Variants in COQ6 observed in about 807,000 individuals in gnomAD.
COQ6 encodes the protein ubiquinone biosynthesis monooxygenase COQ6, mitochondrial.
A neutral mutation model predicts 55.5 loss-of-function variants in COQ6; 45 were observed. The observed-to-expected ratio is 0.81, with a 90% CI of 0.64 to 1.04. The LOEUF is 1.04. Among genes scored for constraint, COQ6 ranks in the 50% least tolerant of loss-of-function variants. The pLI is 0.00. For missense variants in COQ6, 550 were observed against 601.3 expected (o/e 0.91, Z 0.89); for synonymous variants, 206 against 230.5 (o/e 0.89, Z 0.96).
At chr14:73,950,588 A>G (rs1184876152) in intron 1 of COQ6, 93 bp downstream of exon 1, 14 of 1,488,716 alleles carry the variant, frequency 9.4e-6, no homozygotes, top group Non-Finnish European at 1.3e-5. Context: ...GCCCAAAGAC[A>G]ATTTCTCAGG....
chr14:73,952,091 ACTGT>A (rs1408055369), intron 1 of COQ6, among the ~76,000 whole-genome samples: 4 of 142,340 alleles, frequency 2.8e-5, no homozygotes, highest in African/African-American at 5.2e-5. Context: ...TGGACCGCTC[ACTGT>A]CTGTATGGCT....
chr14:73,959,967 T>C, intron 8 of COQ6: 1 of 1,068,334 alleles, frequency 9.4e-7, no homozygotes, highest in Non-Finnish European at 1.1e-6. Flanking sequence ...TGGAGGAGTG[T>C]ACACACGGAA....
chr14:73,961,397 G>A, intron 9 of COQ6, 22 bp downstream of exon 9: 1 of 1,614,200 alleles, frequency 6.2e-7, no homozygotes, highest in Middle Eastern at 1.6e-4. Context: ...ACAGAGCAGG[G>A]CCACTCCCTT....
rs776088045 is a variant in COQ6 at position 73,955,912 on chromosome 14, G to A, written c.465G>A (p.Gln155=). ...NDVIMHALTK[Q]LEAVSDRVTV... ...TCATCATGCATGCTCTCACTAAGCA[G>A]TTGGAGGCTGTGTCTGGTGAGGCCC... The change falls in exon 4 of 12, where the codon CAG becomes CAA. Residue 155 remains glutamine (Q), a synonymous_variant. Transcript: ENST00000334571. 20 of 1,614,032 alleles carry A rather than the reference G, an allele frequency of 1.2e-5. No homozygotes were observed. Among genetic ancestry groups the A allele is most frequent in the Non-Finnish European group, 1.5e-5 (18 of 1,180,048 alleles).
chr14:73,957,051 C>G (rs540199124), intron 4 of COQ6, among the ~76,000 whole-genome samples: 1 of 151,860 alleles, frequency 6.6e-6, no homozygotes, highest in South Asian at 2.1e-4. Flanking sequence ...TCCACTTGAA[C>G]CTTTCTTTGT....
chr14:73,952,613 T>TCCTC (rs969707675), intron 1 of COQ6, among the ~76,000 whole-genome samples: 2 of 151,878 alleles, frequency 1.3e-5, no homozygotes, highest in Admixed American at 1.3e-4. Flanking sequence ...GCTTGAGCAA[T>TCCTC]CCTCCCACCT....
chr14:73,963,245 C>CTTT lies in COQ6; in HGVS notation c.*249_*251dup. 1.8e-6 allele frequency: 1 copy of CTTT among 566,740 alleles called. No homozygotes were observed. The highest frequency in any genetic ancestry group is 2.6e-5 in the South Asian group (1 of 38,998). 35.1% of individuals were successfully genotyped at this position (566,740 alleles called of 1,614,324 possible). A position where few individuals can be genotyped will look rare whatever the true frequency, so the allele number is the denominator to read the frequency against. Reference sequence around the variant, plus strand: ...AGACTTACAATTTGGTTGAAAAGAGCTTTTTATTACTAAAAAACCCACAAG... The same window carrying CTTT: ...AGACTTACAATTTGGTTGAAAAGAGCTTTTTTTTATTACTAAAAAACCCACAAG... On this transcript the variant is annotated 3_prime_UTR_variant, in exon 12 of 12. Transcript: ENST00000334571.
intron 2 of COQ6, 92 bp downstream of exon 2, chr14:73,953,661 CAAG>C (rs2056287243): frequency 1.3e-6 from 2 of 1,540,228 alleles, no homozygotes; most frequent in Admixed American, 1.7e-5. Context: ...GAGCATCTGA[CAAG>C]GAGGGAGCTC....
At chr14:73,957,848 C>G (rs2056515588) in intron 4 of COQ6, among the ~76,000 whole-genome samples, 1 of 152,144 alleles carries the variant, frequency 6.6e-6, no homozygotes, top group African/African-American at 2.4e-5. Flanking sequence ...ACTGTAAAAG[C>G]AAACACGGGC....
At chr14:73,960,384 A>G in intron 8 of COQ6, 2 of 987,686 alleles carry the variant, frequency 2.0e-6, no homozygotes, top group Non-Finnish European at 2.4e-6. Flanking sequence ...CCTTTGGATA[A>G]TATGGGTACC....
chr14:73,958,169 G>T lies in COQ6; in HGVS notation c.504G>T (p.Arg168Ser). The T allele has an allele frequency of 6.2e-7, 1 of 1,613,990 alleles. No individual in the cohort carries two copies. The highest frequency in any genetic ancestry group is 1.7e-5 in the Admixed American group (1 of 59,976). ...CAGACCGAGTGACGGTTCTCTACAG[G>T]AGCAAAGCCATTCGCTATACCTGGC... ...AVSDRVTVLY[R>S]SKAIRYTWPC... Residue 168 changes from arginine to serine, a missense_variant, in exon 5 of 12, where the codon AGG (arginine) becomes AGT (serine). By Grantham distance (110) the Arg-to-Ser change is moderately radical. Transcript: ENST00000334571.
At chr14:73,961,712 A>AT in intron 10 of COQ6, 25 bp from the exon 11 acceptor site, 1 of 1,613,882 alleles carries the variant, frequency 6.2e-7, no homozygotes, top group Non-Finnish European at 8.5e-7. Flanking sequence ...TGGATTAGGG[A>AT]TTTAATCTTT....
intron 1 of COQ6, 70 bp from the exon 2 acceptor site, chr14:73,953,362 CTGT>C (rs2140366315): frequency 7.7e-7 from 1 of 1,294,350 alleles, no homozygotes; most frequent in African/African-American, 1.5e-5. Context: ...AGTGGTTACT[CTGT>C]TGTTTCTCTT....
At chr14:73,950,104 G>C (rs1267264456), upstream of COQ6, 1 of 1,603,370 alleles carries the variant, frequency 6.2e-7, no homozygotes, top group South Asian at 1.1e-5. Context: ...TGCGGGGCCA[G>C]GGTCCACCCC....
rs751908369 is a variant in COQ6 at position 73,953,437 on chromosome 14, T to C, written c.166T>C (p.Tyr56His). 11 of 1,613,228 alleles carry C rather than the reference T, an allele frequency of 6.8e-6. No individual in the cohort carries two copies. The highest frequency in any genetic ancestry group is 9.3e-6 in the Non-Finnish European group (11 of 1,179,188). Residue 56 changes from tyrosine to histidine, a missense_variant and splice_region_variant, in exon 2 of 12, where the codon TAT becomes CAT. Coordinates refer to ENST00000334571, the MANE Select transcript of COQ6 (RefSeq NM_182476.3). The part of the protein sequence containing the change: ...VGAAMACALG[Y>H]DIHFHDKKIL... ...GATATAAATTTTCTTTTTTTAAGGA[T>C]ATGATATTCACTTTCATGACAAGAA...
At chr14:73,962,931 CTGTGT>C in intron 11 of COQ6, 34 bp from the exon 12 acceptor site, 2 of 1,514,136 alleles carry the variant, frequency 1.3e-6, no homozygotes, top group Non-Finnish European at 1.8e-6. Flanking sequence ...CTTCACCTTA[CTGTGT>C]TAAGAGTTTC....
upstream of COQ6, chr14:73,950,094 T>C: frequency 1.2e-6 from 2 of 1,604,800 alleles, no homozygotes; most frequent in Non-Finnish European, 1.7e-6. Flanking sequence ...GCGAGAGCTA[T>C]GCGGGGCCAG....
chr14:73,950,287 A>C (rs190525866), upstream of COQ6: 20 of 1,540,944 alleles, frequency 1.3e-5, no homozygotes, highest in East Asian at 2.4e-5. Flanking sequence ...CGCACTACGT[A>C]GGTGGGCCTG....
rs1173485327 is a variant in COQ6 at position 73,963,325 on chromosome 14, G to C, written c.*326G>C. On this transcript the variant is annotated 3_prime_UTR_variant, in exon 12 of 12. Coordinates refer to ENST00000334571, the MANE Select transcript of COQ6 (RefSeq NM_182476.3). ...TTTCTAAAGAGAAAATTTACATTTTGTTTTTGTTTTAATGTTGGTCATAAA... is the reference window on the plus strand; with the variant it reads ...TTTCTAAAGAGAAAATTTACATTTTCTTTTTGTTTTAATGTTGGTCATAAA... 2.3e-6 allele frequency: 1 copy of C among 441,766 alleles called. No homozygotes were observed. The highest frequency in any genetic ancestry group is 2.0e-5 in the African/African-American group (1 of 49,638). The allele number at this position is 441,766 out of a possible 1,614,324, so 27.4% of individuals were successfully genotyped here.
Sources: gnomAD v4.1 joint callset for allele counts (sites outside exome capture counted in the v4.1 genomes callset) on GRCh38, gnomAD v4.1.1 for gene constraint, MANE v1.5 for transcripts, NCBI Gene and HGNC (gene_info 2026-07-23, HGNC 2026-07-21) for gene names.